PCDHAC2: variants seen among roughly 807,000 people sequenced by gnomAD.
PCDHAC2 encodes the protein protocadherin alpha subfamily C, 2.
Under a neutral mutation model 63.3 loss-of-function variants are expected in PCDHAC2, and 24 were observed. The observed-to-expected ratio is 0.38, with a 90% CI of 0.27 to 0.53. The LOEUF is 0.53. Ranked by LOEUF, PCDHAC2 falls within the 20% of genes least tolerant of loss-of-function variation. The pLI is 0.81. For missense variants in PCDHAC2, 1,181 were observed against 1,275.2 expected, an observed-to-expected ratio of 0.93 and a Z score of 1.12; for synonymous variants, 569 against 529.4, an observed-to-expected ratio of 1.07 and a Z score of -1.03.
chr5:140,979,999 C>G (rs1563478157), intron 2 of PCDHAC2, among the ~76,000 whole-genome samples: 1 of 152,172 alleles, frequency 6.6e-6, no homozygotes, highest in African/African-American at 2.4e-5. Context: ...TTAACATACT[C>G]TCAAGCATTA....
chr5:140,966,695 C>A lies in PCDHAC2; in HGVS notation c.-72C>A. 1 of 1,358,486 alleles carries A rather than the reference C, an allele frequency of 7.4e-7. No homozygotes were observed. The highest frequency in any genetic ancestry group is 9.5e-7 in the Non-Finnish European group (1 of 1,057,280). 84.2% of individuals were successfully genotyped at this position (1,358,486 alleles called of 1,614,324 possible). A position where few individuals can be genotyped will look rare whatever the true frequency, so the allele number is the denominator to read the frequency against. ...GGGTGGCACGAGCGGAGGCGGGGCC[C>A]GGGCGTGGGGCACGGCTGGGGAAGC... On this transcript the variant is annotated 5_prime_UTR_variant, in exon 1 of 4. Transcript: ENST00000289269.
intron 3 of PCDHAC2, among the ~76,000 whole-genome samples, chr5:140,996,311 G>T (rs191577867): frequency 2.6e-5 from 4 of 152,184 alleles, no homozygotes; most frequent in African/African-American, 7.2e-5. Context: ...ACAAAGTAAG[G>T]GGGGAGGGTA....
At chr5:141,005,527 C>A (rs1448254191) in intron 3 of PCDHAC2, among the ~76,000 whole-genome samples, 1 of 151,230 alleles carries the variant, frequency 6.6e-6, no homozygotes, top group Non-Finnish European at 1.5e-5. Context: ...CACGGTGAAA[C>A]CCCGTCTCTA....
Position 141,005,651 on chromosome 5 carries a change from G to A in PCDHAC2, c.2714-3976G>A, listed in dbSNP as rs1554260215. ...CGGGAGGCGGAGCTTGCAGTGAGTC[G>A]AGATCGCGCCACTGCACTCCAGCCT... On this transcript the variant is annotated intron_variant, in intron 3 of 3. Coordinates refer to ENST00000289269, the MANE Select transcript of PCDHAC2 (RefSeq NM_018899.6). Among the ~76,000 whole-genome samples, 4 of 131,238 alleles carry A rather than the reference G, an allele frequency of 3.0e-5. No homozygotes were observed. In the East Asian group the frequency reaches 7.0e-4, roughly 23 times the overall value. The allele number at this position is 131,238 out of a possible 152,430, so 86.1% of individuals were successfully genotyped here.
chr5:141,011,221 A>G lies in PCDHAC2; in HGVS notation c.*1284A>G, dbSNP rs1392607276. On this transcript the variant is annotated 3_prime_UTR_variant, in exon 4 of 4. Coordinates refer to ENST00000289269, the MANE Select transcript of PCDHAC2 (RefSeq NM_018899.6). ...TCTCATACAGTGAGCAGATTTTTCA[A>G]TCTACTAATTCTGTGACTTGTCTTG... is the stretch of plus-strand genomic sequence containing the variant. The G allele has an allele frequency of 1.3e-5, 2 of 153,780 alleles. No individual in the cohort carries two copies. The highest frequency in any genetic ancestry group is 4.8e-5 in the African/African-American group (2 of 41,464). 9.5% of individuals were successfully genotyped at this position (153,780 alleles called of 1,614,324 possible).
chr5:141,007,551 GA>G (rs1554261384), intron 3 of PCDHAC2, among the ~76,000 whole-genome samples: 1 of 152,140 alleles, frequency 6.6e-6, no homozygotes, highest in African/African-American at 2.4e-5. Flanking sequence ...TTGGGCAACA[GA>G]GCAAGGCTCT....
chr5:140,968,702 A>G lies in PCDHAC2; in HGVS notation c.1936A>G (p.Arg646Gly). ...ELHTGEIRTT[R>G]KMGDESGSTF... ...GCACACAGGAGAAATTAGGACTACC[A>G]GGAAGATGGGAGATGAGAGTGGTAG... The change falls in exon 1 of 4, where the codon AGG becomes GGG. Residue 646 changes from arginine (R) to glycine (G), a missense_variant. Arg to Gly is a moderately radical substitution (Grantham distance 125). This residue lies in a region of PCDHAC2 where 968 missense variants were observed against 1,073.5 expected (regional missense o/e 0.90). Coordinates refer to ENST00000289269, the MANE Select transcript of PCDHAC2 (RefSeq NM_018899.6). The G allele has an allele frequency of 1.9e-6, 3 of 1,614,178 alleles. No individual in the cohort carries two copies. Among genetic ancestry groups the G allele is most frequent in the Non-Finnish European group, 2.5e-6 (3 of 1,180,040 alleles).
At chr5:140,991,988 C>T (rs1167776981) in intron 3 of PCDHAC2, among the ~76,000 whole-genome samples, 1 of 151,478 alleles carries the variant, frequency 6.6e-6, no homozygotes, top group Non-Finnish European at 1.5e-5. Flanking sequence ...GCCTACCACC[C>T]GGTCTTTCAT....
chr5:140,988,009 A>C (rs1223658003), intron 3 of PCDHAC2, among the ~76,000 whole-genome samples: 3 of 152,204 alleles, frequency 2.0e-5, no homozygotes, highest in Non-Finnish European at 4.4e-5. Context: ...CCCCAGAAAG[A>C]AAGCATGATT....
rs139717123 is a variant in PCDHAC2, at chr5:140,967,213, G to A, written c.447G>A (p.Pro149=). 8 of 1,613,598 alleles carry A rather than the reference G, an allele frequency of 5.0e-6. No individual in the cohort carries two copies. The African/African-American group carries it at 8.0e-5, about 16-fold the overall frequency. The change falls in exon 1 of 4, where the codon CCG becomes CCA. Residue 149 remains proline (P), a synonymous_variant. Coordinates refer to ENST00000289269, the MANE Select transcript of PCDHAC2 (RefSeq NM_018899.6). ...TCAACGACAACTCACCGCGTTTCCC[G>A]CGGCCCAACTACCAGCTTCAGGTAA... ...LDINDNSPRF[P]RPNYQLQVSE...
intron 3 of PCDHAC2, among the ~76,000 whole-genome samples, chr5:141,000,634 G>A (rs1554257716): frequency 6.6e-6 from 1 of 150,928 alleles, no homozygotes; most frequent in Non-Finnish European, 1.5e-5. Context: ...CACCATGTTG[G>A]GCAGGCTGGT....
At chr5:140,987,560 G>A (rs2097259227) in intron 3 of PCDHAC2, among the ~76,000 whole-genome samples, 36 of 152,130 alleles carry the variant, frequency 2.4e-4, no homozygotes, top group Admixed American at 2.4e-3. Flanking sequence ...CTGATTCTCA[G>A]TTTCTTTCTC....
At position 140,980,488 on chromosome 5, in the gene PCDHAC2, G is replaced by A. The variant is rs372283383; in HGVS notation, c.2624+1481G>A. Among the ~76,000 whole-genome samples, 12 of 152,250 alleles carry A rather than the reference G, an allele frequency of 7.9e-5. No individual in the cohort carries two copies. The East Asian group carries it at 1.9e-3, about 25-fold the overall frequency. Reference sequence around the variant, plus strand: ...CTACTAAAAATACAAAAATTAGCTGGGCGTGATGGCATGTGCCTGTAGTTC... The same window carrying A: ...CTACTAAAAATACAAAAATTAGCTGAGCGTGATGGCATGTGCCTGTAGTTC... On this transcript the variant is annotated intron_variant, in intron 2 of 3. Transcript: ENST00000289269.
At chr5:141,002,456 A>G (rs2098081347) in intron 3 of PCDHAC2, among the ~76,000 whole-genome samples, 1 of 152,242 alleles carries the variant, frequency 6.6e-6, no homozygotes, top group Non-Finnish European at 1.5e-5. Context: ...GCACATTTGT[A>G]TAACGCTTTA....
rs897727830 is a variant in PCDHAC2 at position 140,966,642 on chromosome 5, G to A, written c.-125G>A. 8.9e-7 allele frequency: 1 copy of A among 1,117,790 alleles called. No homozygotes were observed. Among genetic ancestry groups the A allele is most frequent in the East Asian group, 3.1e-5 (1 of 32,494 alleles). 69.2% of individuals were successfully genotyped at this position (1,117,790 alleles called of 1,614,324 possible). A position where few individuals can be genotyped will look rare whatever the true frequency, so the allele number is the denominator to read the frequency against. On this transcript the variant is annotated 5_prime_UTR_variant, in exon 1 of 4. The change abolishes the stop of an existing upstream ORF in the 5' untranslated region. Coordinates refer to ENST00000289269, the MANE Select transcript of PCDHAC2 (RefSeq NM_018899.6). Reference sequence around the variant, plus strand: ...AGGGAGCGGCCCCAGGCGCTTTCTAGAGCGTGAGCGGTGGGGGAGCAGGCG... The same window carrying A: ...AGGGAGCGGCCCCAGGCGCTTTCTAAAGCGTGAGCGGTGGGGGAGCAGGCG...
intron 3 of PCDHAC2, among the ~76,000 whole-genome samples, chr5:140,994,381 C>T (rs1339661887): frequency 6.6e-6 from 1 of 152,086 alleles, no homozygotes; most frequent in East Asian, 1.9e-4. Context: ...ATTCAGGGGA[C>T]TAAGTCAGAG....
At chr5:140,986,019 G>A (rs562523452) in intron 3 of PCDHAC2, among the ~76,000 whole-genome samples, 66 of 152,154 alleles carry the variant, frequency 4.3e-4, no homozygotes, top group Middle Eastern at 3.4e-3. Flanking sequence ...GATTACAGGC[G>A]TGAGCCACTG....
chr5:140,997,820 T>C (rs2097787131), intron 3 of PCDHAC2, among the ~76,000 whole-genome samples: 1 of 152,170 alleles, frequency 6.6e-6, no homozygotes. Flanking sequence ...GGTATCTATG[T>C]TTTCTAAACA....
chr5:140,967,092 C>A lies in PCDHAC2; in HGVS notation c.326C>A (p.Ala109Glu), dbSNP rs782344374. The A allele has an allele frequency of 2.5e-6, 4 of 1,613,156 alleles. No homozygotes were observed. Among genetic ancestry groups the A allele is most frequent in the Non-Finnish European group, 2.5e-6 (3 of 1,179,664 alleles). Residue 109 changes from alanine to glutamate, a missense_variant, in exon 1 of 4, where the codon GCG becomes GAG. Ala to Glu is a moderately radical substitution (Grantham distance 107). Transcript: ENST00000289269. ...LFVNERIDREALCEQRPRCLL... is the reference protein window; with the variant it reads ...LFVNERIDREELCEQRPRCLL... ...GTCAACGAGCGCATTGATCGGGAGG[C>A]GCTGTGTGAGCAGCGGCCTCGCTGC...
Sources: allele counts gnomAD v4.1 joint callset (sites outside exome capture counted in the v4.1 genomes callset), GRCh38; gene constraint gnomAD v4.1.1; regional missense constraint gnomAD v4.1.1; transcripts MANE v1.5; gene names NCBI Gene and HGNC (gene_info 2026-07-23, HGNC 2026-07-21).